Variants in ZNF521 observed in about 807,000 individuals in gnomAD.
ZNF521 encodes LYST-interacting protein 3.
In ZNF521, 14 loss-of-function variants were observed where a neutral mutation model predicts 105.5. The ratio of observed to expected loss-of-function variants is 0.13; its 90% CI spans 0.09 to 0.21. ZNF521 has a LOEUF of 0.21. Ranked by LOEUF, ZNF521 falls within the 10% of genes least tolerant of loss-of-function variation. ZNF521 has a pLI of 1.00. For missense variants in ZNF521, 1,233 were observed against 1,629.7 expected (o/e 0.76, Z 4.19); for synonymous variants, 635 against 606.0 (o/e 1.05, Z -0.70).
At chr18:25,257,125 T>C (rs1361476791) in intron 3 of ZNF521, among the ~76,000 whole-genome samples, 2 of 152,150 alleles carry the variant, frequency 1.3e-5, no homozygotes, top group African/African-American at 4.8e-5. Flanking sequence ...ACTGTACTCA[T>C]AGTTTTAGGA....
chr18:25,116,345 A>G (rs1298864614), intron 5 of ZNF521, among the ~76,000 whole-genome samples: 1 of 152,130 alleles, frequency 6.6e-6, no homozygotes, highest in Non-Finnish European at 1.5e-5. Flanking sequence ...GATTTAGATA[A>G]TGGGTTGCAT....
intron 7 of ZNF521, among the ~76,000 whole-genome samples, chr18:25,087,730 T>C (rs1384060142): frequency 6.6e-6 from 1 of 152,178 alleles, no homozygotes; most frequent in Non-Finnish European, 1.5e-5. Context: ...TAAACAATAG[T>C]CTAACTTGGC....
intron 5 of ZNF521, among the ~76,000 whole-genome samples, chr18:25,095,423 A>G (rs1216462006): frequency 6.6e-6 from 1 of 152,210 alleles, no homozygotes; most frequent in Non-Finnish European, 1.5e-5. Context: ...GAGTCAATTG[A>G]TTTAATAACC....
intron 7 of ZNF521, among the ~76,000 whole-genome samples, chr18:25,072,378 A>G (rs1169524340): frequency 6.6e-6 from 1 of 152,236 alleles, no homozygotes; most frequent in Admixed American, 6.5e-5. Flanking sequence ...AAATGTTAAC[A>G]TCGTGACAAT....
At chr18:25,072,882 TG>T (rs2033261605) in intron 7 of ZNF521, among the ~76,000 whole-genome samples, 2 of 152,354 alleles carry the variant, frequency 1.3e-5, no homozygotes, top group South Asian at 4.1e-4. Flanking sequence ...TTTTTTCCCC[TG>T]TAATGTTTAA....
rs74956717 is a variant in ZNF521, at chr18:25,294,275, C to G, written c.220+27733G>C. On this transcript the variant is annotated intron_variant, in intron 3 of 7. Transcript: ENST00000361524. ...TTTTTTTCCTGCTGTTAATTTTCTG[C>G]TGATCCGCTGGTCAGTTTGCTTCTA... Among the ~76,000 whole-genome samples, 285 of 152,136 alleles carry G rather than the reference C, an allele frequency of 1.9e-3. 9 individuals carry two copies. In the East Asian group the frequency reaches 0.049, roughly 26 times the overall value.
chr18:25,212,509 C>CA lies in ZNF521; in HGVS notation c.3573+11835dup, dbSNP rs59178760. Reference sequence around the variant, plus strand: ...TGGGCAAAAGAGTGAGACTTAGTCTCAAAAAAAAAAAAAAAAAAAAAAAAA... The same window carrying CA: ...TGGGCAAAAGAGTGAGACTTAGTCTCAAAAAAAAAAAAAAAAAAAAAAAAAA... On this transcript the variant is annotated intron_variant, in intron 4 of 7. Transcript: ENST00000361524. Among the ~76,000 whole-genome samples the CA allele has an allele frequency of 6.3e-3, 137 of 21,694 alleles. 13 individuals are homozygous for CA. The highest frequency in any genetic ancestry group is 0.1 in the Middle Eastern group (1 of 10). 14.2% of individuals were successfully genotyped at this position (21,694 alleles called of 152,430 possible). A position where few individuals can be genotyped will look rare whatever the true frequency, so the allele number is the denominator to read the frequency against.
chr18:25,094,752 T>C (rs1392432500), intron 5 of ZNF521, among the ~76,000 whole-genome samples: 1 of 152,166 alleles, frequency 6.6e-6, no homozygotes, highest in Non-Finnish European at 1.5e-5. Flanking sequence ...GGTGGACATT[T>C]AGAGTCCCTC....
intron 4 of ZNF521, among the ~76,000 whole-genome samples, chr18:25,198,782 G>C (rs1329739000): frequency 1.3e-5 from 2 of 151,812 alleles, no homozygotes; most frequent in Non-Finnish European, 2.9e-5. Context: ...GACAGCAGAA[G>C]GGATGACAAA....
intron 3 of ZNF521, among the ~76,000 whole-genome samples, chr18:25,265,878 G>A (rs1269734428): frequency 1.3e-5 from 2 of 152,122 alleles, no homozygotes; most frequent in Admixed American, 6.6e-5. Flanking sequence ...AGATCCTGTC[G>A]TTTGCAACAA....
intron 3 of ZNF521, among the ~76,000 whole-genome samples, chr18:25,269,269 G>A (rs1044096877): frequency 1.3e-5 from 2 of 152,092 alleles, no homozygotes; most frequent in African/African-American, 4.8e-5. Flanking sequence ...CCCAACACAG[G>A]AGCACCCAGA....
chr18:25,064,345 C>T (rs980738805), intron 7 of ZNF521, among the ~76,000 whole-genome samples: 11 of 152,180 alleles, frequency 7.2e-5, no homozygotes, highest in African/African-American at 2.4e-4. Flanking sequence ...TACTGACAGC[C>T]GGAGACATGA....
intron 4 of ZNF521, among the ~76,000 whole-genome samples, chr18:25,196,713 A>G (rs1035445730): frequency 1.3e-5 from 2 of 151,826 alleles, no homozygotes; most frequent in Non-Finnish European, 3.0e-5. Flanking sequence ...GCTGTTTACA[A>G]GATGCTTTTG....
rs1911492477 is a variant in ZNF521, at chr18:25,299,233, G to A, written c.220+22775C>T. Among the ~76,000 whole-genome samples the A allele has an allele frequency of 2.0e-5, 3 of 152,170 alleles. No individual in the cohort carries two copies. The South Asian group carries it at 6.2e-4, about 32-fold the overall frequency. On this transcript the variant is annotated intron_variant, in intron 3 of 7. Transcript: ENST00000361524. ...AGGTCTGGGTAGGAAACCATACACA[G>A]AATACTAACATGTAACTTTACAAAA...
At chr18:25,264,536 ATAT>A (rs573142414) in intron 3 of ZNF521, among the ~76,000 whole-genome samples, 120 of 152,248 alleles carry the variant, frequency 7.9e-4, no homozygotes, top group African/African-American at 2.6e-3. Flanking sequence ...CATATTAAAC[ATAT>A]TATGAGTTTC....
At chr18:25,219,620 G>A (rs573447491) in intron 4 of ZNF521, among the ~76,000 whole-genome samples, 22 of 152,110 alleles carry the variant, frequency 1.4e-4, no homozygotes, top group Admixed American at 1.1e-3. Flanking sequence ...GCCTAAGCTG[G>A]TCTTGAACTC....
intron 3 of ZNF521, among the ~76,000 whole-genome samples, chr18:25,263,339 G>A (rs1272341939): frequency 6.6e-6 from 1 of 151,670 alleles, no homozygotes; most frequent in African/African-American, 2.4e-5. Flanking sequence ...AAAAAAAAAA[G>A]TTAGGTCAAT....
chr18:25,211,091 T>C (rs190275202), intron 4 of ZNF521, among the ~76,000 whole-genome samples: 5 of 152,366 alleles, frequency 3.3e-5, no homozygotes, highest in Admixed American at 2.6e-4. Context: ...ACATGGATAC[T>C]GCTCTAATCA....
At chr18:25,067,776 C>T (rs191875988) in intron 7 of ZNF521, among the ~76,000 whole-genome samples, 1 of 152,206 alleles carries the variant, frequency 6.6e-6, no homozygotes, top group East Asian at 1.9e-4. Context: ...AAACTTATGC[C>T]CAGAGATTGC....
Sources: gnomAD v4.1 joint callset for allele counts (sites outside exome capture counted in the v4.1 genomes callset) on GRCh38, gnomAD v4.1.1 for gene constraint, MANE v1.5 for transcripts, NCBI Gene and HGNC (gene_info 2026-07-23, HGNC 2026-07-21) for gene names.